The following PPA1 variants were observed in gnomAD, a reference collection of about 807,000 sequenced individuals.
The protein encoded by PPA1 is inorganic pyrophosphatase 1, also known as inorganic pyrophosphatase.
Under a neutral mutation model 41.8 loss-of-function variants are expected in PPA1, and 23 were observed. That is an observed-to-expected ratio of 0.55 (90% CI 0.40 to 0.78). The LOEUF is 0.78. Ranked by LOEUF, PPA1 falls within the 30% of genes least tolerant of loss-of-function variation. PPA1 has a pLI of 0.00. For missense variants in PPA1, 320 were observed against 361.6 expected (o/e 0.89, Z 0.93); for synonymous variants, 101 against 116.8 (o/e 0.86, Z 0.87).
At chr10:70,215,011 A>G (rs1432561975) in intron 4 of PPA1, among the ~76,000 whole-genome samples, 2 of 152,094 alleles carry the variant, frequency 1.3e-5, no homozygotes, top group African/African-American at 4.8e-5. Flanking sequence ...CCTAGCCAAC[A>G]TGGTGAAACA....
Position 70,209,623 on chromosome 10 carries a change from T to G in PPA1, c.574A>C (p.Arg192=). Residue 192 remains arginine, a synonymous_variant, in exon 7 of 11, where the codon AGG becomes CGG. Coordinates refer to ENST00000373232, the MANE Select transcript of PPA1 (RefSeq NM_021129.4). ...GGTTTTCCATCAGGAACCTTATACC[T>G]TCTAAACCAGTCCACAGTAGCTTCT... The part of the protein sequence containing the change: ...YLEATVDWFR[R]YKVPDGKPEN... 1 of 1,608,344 alleles carries G rather than the reference T, an allele frequency of 6.2e-7. No homozygotes were observed. Among genetic ancestry groups the G allele is most frequent in the Non-Finnish European group, 8.5e-7 (1 of 1,177,270 alleles).
chr10:70,224,463 T>C (rs1272340570), intron 2 of PPA1, among the ~76,000 whole-genome samples: 1 of 152,200 alleles, frequency 6.6e-6, no homozygotes, highest in Non-Finnish European at 1.5e-5. Context: ...GTTAGGTGTG[T>C]AACTTCACTA....
At chr10:70,206,217 T>G in intron 9 of PPA1, 47 bp downstream of exon 9, 1 of 1,462,360 alleles carries the variant, frequency 6.8e-7, no homozygotes, top group Non-Finnish European at 9.5e-7. Flanking sequence ...AGCATCATAG[T>G]TTTTAGCAAC....
intron 4 of PPA1, among the ~76,000 whole-genome samples, chr10:70,216,847 A>G (rs1840086736): frequency 6.6e-6 from 1 of 152,206 alleles, no homozygotes. Flanking sequence ...TTGTGCTGGG[A>G]ATAAATTGGT....
chr10:70,208,589 A>T (rs1023154260), intron 8 of PPA1, among the ~76,000 whole-genome samples: 1 of 152,000 alleles, frequency 6.6e-6, no homozygotes, highest in Non-Finnish European at 1.5e-5. Context: ...TCAGCCTCCT[A>T]AAGTGCTGGA....
intron 9 of PPA1, 32 bp from the exon 10 acceptor site, chr10:70,204,947 TA>T: frequency 6.6e-7 from 1 of 1,513,124 alleles, no homozygotes. Context: ...TCTATTAGTC[TA>T]ATCTCATTTT....
intron 1 of PPA1, 57 bp downstream of exon 1, chr10:70,233,207 G>T: frequency 1.3e-6 from 2 of 1,508,142 alleles, no homozygotes; most frequent in African/African-American, 1.4e-5. Flanking sequence ...GGGGAGGCAA[G>T]GCCCGGGAAT....
chr10:70,207,955 G>A (rs1839966215), intron 8 of PPA1, among the ~76,000 whole-genome samples: 1 of 152,078 alleles, frequency 6.6e-6, no homozygotes, highest in South Asian at 2.1e-4. Flanking sequence ...CACTTTGGGA[G>A]GCCGAGGCGG....
intron 1 of PPA1, 22 bp downstream of exon 1, chr10:70,233,242 G>C: frequency 2.0e-6 from 3 of 1,531,108 alleles, no homozygotes; most frequent in Non-Finnish European, 2.6e-6. Flanking sequence ...GCGCGGAGGG[G>C]CCACGGGCCG....
At chr10:70,211,114 A>G (rs1025463825) in intron 6 of PPA1, among the ~76,000 whole-genome samples, 4 of 152,240 alleles carry the variant, frequency 2.6e-5, no homozygotes, top group African/African-American at 9.6e-5. Context: ...TTCTATTATC[A>G]TAATATCACT....
chr10:70,214,577 C>A lies in PPA1; in HGVS notation c.307G>T (p.Asp103Tyr). ...GTATGTTTATCATTGTGCCCTGGGT[C>A]TTCCCAAGTCTAAAAATATAAGACA... is the stretch of plus-strand genomic sequence containing the variant. ...NYGAIPQTWE[D>Y]PGHNDKHTGC... The change falls in exon 5 of 11, where the codon GAC (aspartate) becomes TAC (tyrosine). Residue 103 changes from aspartate (D) to tyrosine (Y), a missense_variant. By Grantham distance (160) the Asp-to-Tyr change is radical. Transcript: ENST00000373232. 2 of 1,612,124 alleles carry A rather than the reference C, an allele frequency of 1.2e-6. No individual in the cohort carries two copies. The highest frequency in any genetic ancestry group is 1.7e-6 in the Non-Finnish European group (2 of 1,178,342).
chr10:70,213,650 T>A (rs1840047043), intron 5 of PPA1, 61 bp from the exon 6 acceptor site: 4 of 1,527,104 alleles, frequency 2.6e-6, no homozygotes, highest in African/African-American at 1.4e-5. Context: ...AAGACAGTTT[T>A]ACTTGGCTAA....
chr10:70,210,747 G>A (rs1439013505), intron 6 of PPA1, among the ~76,000 whole-genome samples: 2 of 150,894 alleles, frequency 1.3e-5, no homozygotes, highest in Non-Finnish European at 2.9e-5. Flanking sequence ...ATTTGTATAA[G>A]ATAACATTGC....
rs1315207956 is a variant in PPA1, at chr10:70,217,925, T to C, written c.184A>G (p.Thr62Ala). 1.3e-6 allele frequency: 2 copies of C among 1,559,628 alleles called. No individual in the cohort carries two copies. The highest frequency in any genetic ancestry group is 1.7e-6 in the Non-Finnish European group (2 of 1,150,194). The change falls in exon 4 of 11, where the codon ACA (threonine) becomes GCA (alanine). Residue 62 changes from threonine to alanine, a missense_variant. Physicochemically the swap from Thr to Ala is moderately conservative, Grantham distance 58 (BLOSUM62 0). Coordinates refer to ENST00000373232, the MANE Select transcript of PPA1 (RefSeq NM_021129.4). The part of the protein sequence containing the change: ...RWSNAKMEIA[T>A]KDPLNPIKQD... ...TTAATAGGGTTTAAAGGGTCCTTTG[T>C]AGCAATCTGAAATAAGAAAATTTCA...
At chr10:70,206,824 CAG>C (rs1177897772) in intron 8 of PPA1, among the ~76,000 whole-genome samples, 1 of 123,464 alleles carries the variant, frequency 8.1e-6, no homozygotes, top group East Asian at 2.6e-4. Flanking sequence ...AGCCTGGTGA[CAG>C]AGCAAGACTG....
chr10:70,225,889 G>A (rs1474416854), intron 2 of PPA1, among the ~76,000 whole-genome samples: 2 of 152,170 alleles, frequency 1.3e-5, no homozygotes, highest in Non-Finnish European at 2.9e-5. Flanking sequence ...TATACTCTAA[G>A]TTGTTAAAAG....
intron 1 of PPA1, among the ~76,000 whole-genome samples, chr10:70,232,692 G>C (rs1222148295): frequency 6.6e-6 from 1 of 152,214 alleles, no homozygotes; most frequent in Non-Finnish European, 1.5e-5. Context: ...CGCAGAGGCA[G>C]GAGCACGACC....
chr10:70,222,676 C>CT (rs764258594), intron 2 of PPA1, among the ~76,000 whole-genome samples: 7 of 151,424 alleles, frequency 4.6e-5, no homozygotes, highest in African/African-American at 9.7e-5. Context: ...GTTTAGCACA[C>CT]TTTTTTTTTA....
At chr10:70,208,303 A>G (rs548409667) in intron 8 of PPA1, among the ~76,000 whole-genome samples, 20 of 152,328 alleles carry the variant, frequency 1.3e-4, no homozygotes, top group Admixed American at 4.6e-4. Flanking sequence ...TAAGATACGA[A>G]AAAATAGAGA....
Sources: allele counts gnomAD v4.1 joint callset (sites outside exome capture counted in the v4.1 genomes callset), GRCh38; gene constraint gnomAD v4.1.1; transcripts MANE v1.5; gene names NCBI Gene and HGNC (gene_info 2026-07-23, HGNC 2026-07-21).